AK4: variants seen among roughly 807,000 people sequenced by gnomAD.
AK4 encodes the protein adenylate kinase 4, mitochondrial.
Under a neutral mutation model 24.6 loss-of-function variants are expected in AK4, and 13 were observed. The observed-to-expected ratio is 0.53, with a 90% CI of 0.34 to 0.84. The LOEUF (loss-of-function observed/expected upper bound fraction) is 0.84, where lower values mean the gene tolerates loss of function less well. Ranked by LOEUF, AK4 falls within the 40% of genes least tolerant of loss-of-function variation. The pLI is 0.01. For missense variants in AK4, 192 were observed against 288.2 expected (o/e 0.67, Z 2.42); for synonymous variants, 88 against 107.0 (o/e 0.82, Z 1.10).
intron 1 of AK4, among the ~76,000 whole-genome samples, chr1:65,155,986 A>G (rs530868946): frequency 2.0e-5 from 3 of 152,146 alleles, no homozygotes; most frequent in African/African-American, 7.2e-5. Context: ...ATAGATTTTG[A>G]GTTACATTAT....
At chr1:65,195,801 G>A (rs1270180308) in intron 2 of AK4, among the ~76,000 whole-genome samples, 1 of 152,194 alleles carries the variant, frequency 6.6e-6, no homozygotes, top group Non-Finnish European at 1.5e-5. Flanking sequence ...AGTTTTTTGG[G>A]TGGGGGTGAC....
chr1:65,158,156 T>C (rs1650039624), intron 1 of AK4, among the ~76,000 whole-genome samples: 1 of 152,164 alleles, frequency 6.6e-6, no homozygotes, highest in Non-Finnish European at 1.5e-5. Flanking sequence ...CTTTAAGATA[T>C]ACATACACAT....
intron 2 of AK4, among the ~76,000 whole-genome samples, chr1:65,193,386 TC>T (rs1286386765): frequency 1.3e-5 from 2 of 152,294 alleles, no homozygotes; most frequent in African/African-American, 4.8e-5. Flanking sequence ...CTGGAAGATC[TC>T]CGAAATGCCT....
At chr1:65,214,029 T>C (rs901542632) in intron 2 of AK4, among the ~76,000 whole-genome samples, 1 of 152,226 alleles carries the variant, frequency 6.6e-6, no homozygotes, top group African/African-American at 2.4e-5. Context: ...CTTGGACTTA[T>C]AGCTTCCAGG....
chr1:65,205,378 G>T (rs991038788), intron 2 of AK4, among the ~76,000 whole-genome samples: 16 of 152,166 alleles, frequency 1.1e-4, no homozygotes, highest in Non-Finnish European at 2.2e-4. Flanking sequence ...AGGACTACAG[G>T]TGTATGCTGC....
chr1:65,148,577 C>T (rs115225200), intron 1 of AK4, 25 bp downstream of exon 1: 158,768 of 1,575,750 alleles, frequency 0.1, 10,486 homozygotes, highest in Admixed American at 0.31. Flanking sequence ...GGACGAGGGC[C>T]GGGGGCGAGC....
intron 2 of AK4, among the ~76,000 whole-genome samples, chr1:65,193,795 A>G (rs1452929775): frequency 6.6e-6 from 1 of 152,250 alleles, no homozygotes; most frequent in Admixed American, 6.5e-5. Context: ...AGTGATATGG[A>G]GGCCCGACTG....
chr1:65,198,086 G>A (rs1651538878), intron 2 of AK4, among the ~76,000 whole-genome samples: 2 of 152,164 alleles, frequency 1.3e-5, no homozygotes, highest in Non-Finnish European at 2.9e-5. Flanking sequence ...GAGGGCAGTA[G>A]TTTATCTTAG....
At chr1:65,171,537 C>T (rs1183342618) in intron 1 of AK4, among the ~76,000 whole-genome samples, 1 of 151,792 alleles carries the variant, frequency 6.6e-6, no homozygotes, top group Non-Finnish European at 1.5e-5. Flanking sequence ...AAACCCCTGA[C>T]CTCCTGATCT....
intron 1 of AK4, among the ~76,000 whole-genome samples, chr1:65,152,478 C>T (rs796142969): frequency 1.5e-4 from 21 of 143,100 alleles, no homozygotes; most frequent in African/African-American, 4.6e-4. Context: ...TCTCGGCTCA[C>T]TGCAGCCTCC....
chr1:65,156,135 G>C (rs1202663844), intron 1 of AK4, among the ~76,000 whole-genome samples: 1 of 152,088 alleles, frequency 6.6e-6, no homozygotes, highest in Non-Finnish European at 1.5e-5. Context: ...AATATAATTT[G>C]TTATTCCATT....
intron 2 of AK4, among the ~76,000 whole-genome samples, chr1:65,207,792 G>T (rs773715698): frequency 9.2e-5 from 14 of 152,128 alleles, no homozygotes; most frequent in Non-Finnish European, 2.1e-4. Flanking sequence ...AGAACACATG[G>T]TATTTGGTTT....
chr1:65,157,475 G>A (rs572734310), intron 1 of AK4, among the ~76,000 whole-genome samples: 22 of 152,088 alleles, frequency 1.4e-4, no homozygotes, highest in Non-Finnish European at 2.9e-4. Context: ...AGACAGGCAA[G>A]CAAACAAGAA....
chr1:65,197,221 G>A (rs532614241), intron 2 of AK4, among the ~76,000 whole-genome samples: 19 of 151,748 alleles, frequency 1.3e-4, no homozygotes, highest in Middle Eastern at 3.4e-3. Context: ...GTTTTTTTTC[G>A]TTTCTAAACT....
At chr1:65,190,365 TG>T (rs1175825388) in intron 1 of AK4, among the ~76,000 whole-genome samples, 1 of 147,280 alleles carries the variant, frequency 6.8e-6, no homozygotes, top group Non-Finnish European at 1.5e-5. Context: ...TGGGCTTAAG[TG>T]ATCCTCCCAC....
At chr1:65,157,313 C>T (rs552482593) in intron 1 of AK4, among the ~76,000 whole-genome samples, 5 of 152,212 alleles carry the variant, frequency 3.3e-5, no homozygotes, top group African/African-American at 7.2e-5. Flanking sequence ...TATAGTCATT[C>T]GATATACAGA....
At chr1:65,218,731 C>T (rs1202587741) in intron 2 of AK4, 23 bp from the exon 3 acceptor site, 2 of 1,552,948 alleles carry the variant, frequency 1.3e-6, no homozygotes, top group African/African-American at 1.4e-5. Flanking sequence ...TTGCATTTCA[C>T]TTGTTTTGTT....
intron 2 of AK4, among the ~76,000 whole-genome samples, chr1:65,206,735 C>T (rs750467543): frequency 3.3e-5 from 5 of 152,246 alleles, no homozygotes; most frequent in Non-Finnish European, 7.3e-5. Flanking sequence ...GCTATGATCG[C>T]ATCACTGCCC....
chr1:65,177,022 TTAAA>T (rs1053092674), intron 1 of AK4, among the ~76,000 whole-genome samples: 1 of 152,220 alleles, frequency 6.6e-6, no homozygotes, highest in Non-Finnish European at 1.5e-5. Context: ...CAAATCTAGG[TTAAA>T]TAATTTTTCA....
Sources: allele counts gnomAD v4.1 joint callset (sites outside exome capture counted in the v4.1 genomes callset), GRCh38; gene constraint gnomAD v4.1.1; transcripts MANE v1.5; gene names NCBI Gene and HGNC (gene_info 2026-07-23, HGNC 2026-07-21).